Variants in PKD2 observed in about 807,000 individuals in gnomAD.
The protein encoded by PKD2 is polycystin 2, transient receptor potential cation channel, also known as polycystin-2.
Under a neutral mutation model 105.9 loss-of-function variants are expected in PKD2, and 48 were observed. The ratio of observed to expected loss-of-function variants is 0.45; its 90% CI spans 0.36 to 0.58. PKD2 has a LOEUF of 0.58. PKD2 is among the 20% of genes least tolerant of loss of function. The probability of loss-of-function intolerance (pLI) is 0.00; values close to 1 mark genes in which losing one functional copy is unlikely to be tolerated. For synonymous variants in PKD2, 464 were observed against 481.1 expected, an observed-to-expected ratio of 0.96 and a Z score of 0.46; for missense variants, 1,078 against 1,255.3, an observed-to-expected ratio of 0.86 and a Z score of 2.13.
At chr4:88,026,070 T>G (rs1420338920) in intron 2 of PKD2, among the ~76,000 whole-genome samples, 2 of 148,656 alleles carry the variant, frequency 1.3e-5, no homozygotes, top group African/African-American at 2.5e-5. Flanking sequence ...GGTACTGCTA[T>G]AAAAAATAAC....
intron 1 of PKD2, among the ~76,000 whole-genome samples, chr4:88,016,908 G>A (rs2110087106): frequency 6.6e-6 from 1 of 152,036 alleles, no homozygotes; most frequent in Non-Finnish European, 1.5e-5. Context: ...CAAGGCTGCA[G>A]TGGGCCATGA....
At chr4:88,021,538 A>G (rs1301762239) in intron 2 of PKD2, among the ~76,000 whole-genome samples, 2 of 152,222 alleles carry the variant, frequency 1.3e-5, no homozygotes, top group East Asian at 3.8e-4. Context: ...TTAAGAAAGT[A>G]TCTTAGCAGT....
In PKD2 at chr4:88,052,305, G is replaced by T. The variant is rs576075499; in HGVS notation, c.1716+147G>T. The T allele has an allele frequency of 6.7e-5, 44 of 652,586 alleles. No homozygotes were observed. In the South Asian group the frequency reaches 8.3e-4, roughly 12 times the overall value. 40.4% of individuals were successfully genotyped at this position (652,586 alleles called of 1,614,324 possible). Reference sequence around the variant, plus strand: ...TTACTTTGAGACAGGGTCTCACTCTGTCACCCAGGCTGGAGTGCAGTGGTA... The same window carrying T: ...TTACTTTGAGACAGGGTCTCACTCTTTCACCCAGGCTGGAGTGCAGTGGTA... On this transcript the variant is annotated intron_variant, in intron 7 of 14. Transcript: ENST00000237596.
rs1019293030 is a variant in PKD2 at position 88,007,894 on chromosome 4, T to C, written c.161T>C (p.Ile54Thr). The change falls in exon 1 of 15, where the codon ATC becomes ACC. Residue 54 changes from isoleucine to threonine, a missense_variant. This residue lies in a region of PKD2 where 210 missense variants were observed against 187.9 expected (regional missense o/e 1.12). Transcript: ENST00000237596. Reference protein sequence around the residue: ...GGLCEQRGLEIEMQRIRQAAA... With the variant: ...GGLCEQRGLETEMQRIRQAAA... ...CTCTGCGAGCAGCGGGGCCTGGAGATCGAGATGCAGCGCATCCGGCAGGCG... is the reference window on the plus strand; with the variant it reads ...CTCTGCGAGCAGCGGGGCCTGGAGACCGAGATGCAGCGCATCCGGCAGGCG... 3.6e-6 allele frequency: 5 copies of C among 1,396,130 alleles called. No individual in the cohort carries two copies. The African/African-American group carries it at 7.5e-5, about 21-fold the overall frequency. The allele number at this position is 1,396,130 out of a possible 1,614,324, so 86.5% of individuals were successfully genotyped here.
intron 2 of PKD2, among the ~76,000 whole-genome samples, chr4:88,034,090 C>G (rs1231310848): frequency 6.6e-6 from 1 of 152,114 alleles, no homozygotes; most frequent in African/African-American, 2.4e-5. Flanking sequence ...ATTCTAAACT[C>G]TTAACTCTGC....
chr4:88,050,178 G>T (rs1037816690), intron 6 of PKD2, among the ~76,000 whole-genome samples: 23 of 151,990 alleles, frequency 1.5e-4, no homozygotes, highest in African/African-American at 5.6e-4. Context: ...GTTTCACCGA[G>T]TTAGCCAGGA....
Position 88,065,423 on chromosome 4 carries a change from A to G in PKD2, c.2168A>G (p.Asp723Gly), listed in dbSNP as rs1238035886. The G allele has an allele frequency of 6.2e-7, 1 of 1,613,002 alleles. No individual in the cohort carries two copies. The highest frequency in any genetic ancestry group is 1.7e-5 in the Admixed American group (1 of 60,028). ...VKLKLKKNTV[D>G]DISESLRQGG... Reference sequence around the variant, plus strand: ...CTAAAACTGAAAAAAAATACCGTGGATGACATTTCAGAGAGTCTGCGGCAA... The same window carrying G: ...CTAAAACTGAAAAAAAATACCGTGGGTGACATTTCAGAGAGTCTGCGGCAA... Residue 723 changes from aspartate (D) to glycine (G), a missense_variant, in exon 11 of 15, where the codon GAT becomes GGT. By Grantham distance (94) the Asp-to-Gly change is moderately conservative. This residue lies in a region of PKD2 where 868 missense variants were observed against 1,067.3 expected (regional missense o/e 0.81). Coordinates refer to ENST00000237596, the MANE Select transcript of PKD2 (RefSeq NM_000297.4).
intron 4 of PKD2, among the ~76,000 whole-genome samples, chr4:88,039,834 T>A (rs983730703): frequency 2.0e-5 from 3 of 152,086 alleles, no homozygotes; most frequent in African/African-American, 7.2e-5. Context: ...CTCAAACTCC[T>A]GGGCTCAAGC....
chr4:88,012,302 G>A lies in PKD2; in HGVS notation c.595+3974G>A, dbSNP rs1240494723. 2.0e-5 allele frequency among the ~76,000 whole-genome samples: 3 copies of A among 152,160 alleles called. No homozygotes were observed. In the South Asian group the frequency reaches 6.2e-4, roughly 32 times the overall value. On this transcript the variant is annotated intron_variant, in intron 1 of 14. Coordinates refer to ENST00000237596, the MANE Select transcript of PKD2 (RefSeq NM_000297.4). ...CTAAAGGTTAAATGACTTGCCCAGG[G>A]CCGCAACTATTAGATGTTGCAGTCA...
At position 88,007,896 on chromosome 4, in the gene PKD2, G is replaced by A. The variant is rs1431720565; in HGVS notation, c.163G>A (p.Glu55Lys). Residue 55 changes from glutamate (E) to lysine (K), a missense_variant, in exon 1 of 15, where the codon GAG becomes AAG. Physicochemically the swap from Glu to Lys is moderately conservative, Grantham distance 56. Coordinates refer to ENST00000237596, the MANE Select transcript of PKD2 (RefSeq NM_000297.4). Reference sequence around the variant, plus strand: ...CTGCGAGCAGCGGGGCCTGGAGATCGAGATGCAGCGCATCCGGCAGGCGGC... The same window carrying A: ...CTGCGAGCAGCGGGGCCTGGAGATCAAGATGCAGCGCATCCGGCAGGCGGC... ...GLCEQRGLEIEMQRIRQAAAR... is the reference protein window; with the variant it reads ...GLCEQRGLEIKMQRIRQAAAR... The A allele has an allele frequency of 4.3e-6, 6 of 1,404,274 alleles. No homozygotes were observed. The highest frequency in any genetic ancestry group is 5.6e-6 in the Non-Finnish European group (6 of 1,072,476). The allele number at this position is 1,404,274 out of a possible 1,614,324, so 87.0% of individuals were successfully genotyped here.
At position 88,046,767 on chromosome 4, in the gene PKD2, T is replaced by C; in HGVS notation, c.1445T>C (p.Phe482Ser). The change falls in exon 6 of 15, where the codon TTC becomes TCC. Residue 482 changes from phenylalanine to serine, a missense_variant. Around this residue, in one of 2 missense-constraint regions of PKD2, gnomAD observed 868 missense variants for 1,067.3 expected, o/e 0.81. Coordinates refer to ENST00000237596, the MANE Select transcript of PKD2 (RefSeq NM_000297.4). ...FLAACEIIFCFFIFYYVVEEI... is the reference protein window; with the variant it reads ...FLAACEIIFCSFIFYYVVEEI... Reference sequence around the variant, plus strand: ...GCAGCCTGTGAGATTATCTTTTGTTTCTTTATCTTTTACTATGTGGTGGAA... The same window carrying C: ...GCAGCCTGTGAGATTATCTTTTGTTCCTTTATCTTTTACTATGTGGTGGAA... 2 of 1,611,912 alleles carry C rather than the reference T, an allele frequency of 1.2e-6. No individual in the cohort carries two copies. The highest frequency in any genetic ancestry group is 1.7e-6 in the Non-Finnish European group (2 of 1,177,926).
chr4:88,020,999 TTA>T (rs764272677), intron 2 of PKD2, among the ~76,000 whole-genome samples: 16 of 152,218 alleles, frequency 1.1e-4, no homozygotes, highest in Non-Finnish European at 2.1e-4. Flanking sequence ...TGTGATATTT[TTA>T]TGTTTTAAAT....
chr4:88,017,656 C>T (rs544556369), intron 1 of PKD2, among the ~76,000 whole-genome samples: 5 of 152,250 alleles, frequency 3.3e-5, no homozygotes, highest in Non-Finnish European at 7.4e-5. Flanking sequence ...GTGATCTACC[C>T]GCCTCACCCT....
At position 88,038,635 on chromosome 4, in the gene PKD2, T is replaced by G. The variant is rs1038445666; in HGVS notation, c.1094+134T>G. 8 of 936,516 alleles carry G rather than the reference T, an allele frequency of 8.5e-6. No individual in the cohort carries two copies. In the Admixed American group the frequency reaches 9.3e-5, roughly 11 times the overall value. The allele number at this position is 936,516 out of a possible 1,614,324, so 58.0% of individuals were successfully genotyped here. A position where few individuals can be genotyped will look rare whatever the true frequency, so the allele number is the denominator to read the frequency against. On this transcript the variant is annotated intron_variant, in intron 4 of 14. Coordinates refer to ENST00000237596, the MANE Select transcript of PKD2 (RefSeq NM_000297.4). ...TTCAGTGACTCTTCAGTGCTTATAT[T>G]TAAACCTTGGCCAACTTGACCTTTG...
At chr4:88,035,434 G>A (rs2110103983) in intron 2 of PKD2, among the ~76,000 whole-genome samples, 1 of 152,324 alleles carries the variant, frequency 6.6e-6, no homozygotes, top group Non-Finnish European at 1.5e-5. Context: ...TTACAGAGAT[G>A]TGGTGGGGTT....
intron 2 of PKD2, among the ~76,000 whole-genome samples, chr4:88,023,410 C>T (rs1726835709): frequency 6.6e-6 from 1 of 152,170 alleles, no homozygotes; most frequent in Non-Finnish European, 1.5e-5. Flanking sequence ...CTGAGAAATC[C>T]ACCCCCATGA....
intron 1 of PKD2, among the ~76,000 whole-genome samples, chr4:88,012,509 A>C (rs894934480): frequency 6.6e-6 from 1 of 152,168 alleles, no homozygotes; most frequent in East Asian, 1.9e-4. Context: ...ATTCTAATTG[A>C]TCTAGGGAGT....
chr4:88,018,099 T>G (rs1192015845), intron 1 of PKD2, among the ~76,000 whole-genome samples: 1 of 152,238 alleles, frequency 6.6e-6, no homozygotes, highest in African/African-American at 2.4e-5. Flanking sequence ...CTGCATTTCT[T>G]CTGAGTGAGT....
intron 10 of PKD2, 100 bp downstream of exon 10, chr4:88,062,104 T>G (rs1006950313): frequency 6.9e-6 from 5 of 727,314 alleles, no homozygotes; most frequent in Non-Finnish European, 1.0e-5. Context: ...TTGAAATTGT[T>G]TGAAATAAAG....
Sources: allele counts gnomAD v4.1 joint callset (sites outside exome capture counted in the v4.1 genomes callset), GRCh38; gene constraint gnomAD v4.1.1; regional missense constraint gnomAD v4.1.1; transcripts MANE v1.5; gene names NCBI Gene and HGNC (gene_info 2026-07-23, HGNC 2026-07-21).